Variants in HECW2 observed in about 807,000 individuals in gnomAD.
HECW2 encodes the protein HECT, C2 and WW domain containing E3 ubiquitin protein ligase 2.
Under a neutral mutation model 175.2 loss-of-function variants are expected in HECW2, and 61 were observed. The observed-to-expected ratio is 0.35, with a 90% CI of 0.28 to 0.43. The LOEUF is 0.43. Ranked by LOEUF, HECW2 falls within the 20% of genes least tolerant of loss-of-function variation. HECW2 has a pLI of 1.00. For synonymous variants in HECW2, 671 were observed against 731.0 expected (o/e 0.92, Z 1.32); for missense variants, 1,524 against 2,000.5 (o/e 0.76, Z 4.54).
At chr2:196,289,520 C>T (rs1397264019) in intron 14 of HECW2, 1 of 152,012 alleles carries the variant, frequency 6.6e-6, no homozygotes, top group African/African-American at 2.4e-5. Flanking sequence ...ATCAGGTGTC[C>T]ACACTAAGTT....
rs369883351 is a variant in HECW2 at position 196,264,414 on chromosome 2, A to G, written c.3336-6508T>C. 5.7e-4 allele frequency among the ~76,000 whole-genome samples: 87 copies of G among 152,354 alleles called. No individual in the cohort carries two copies. The South Asian group carries it at 0.017, about 30-fold the overall frequency. On this transcript the variant is annotated intron_variant, in intron 17 of 28. Coordinates refer to ENST00000644978, the MANE Select transcript of HECW2 (RefSeq NM_001348768.2). Reference sequence around the variant, plus strand: ...AATCAACAGTAAAACAGATGTACCTAAAATATTATTATTCCTCATGTAAGA... The same window carrying G: ...AATCAACAGTAAAACAGATGTACCTGAAATATTATTATTCCTCATGTAAGA...
At chr2:196,393,540 G>A (rs894218851) in intron 2 of HECW2, among the ~76,000 whole-genome samples, 8 of 152,164 alleles carry the variant, frequency 5.3e-5, no homozygotes, top group Admixed American at 5.2e-4. Flanking sequence ...GAAGCCAACA[G>A]ACACACGAAA....
chr2:196,333,256 C>A lies in HECW2; in HGVS notation c.495+1168G>T, dbSNP rs4850700. 5.1e-4 allele frequency among the ~76,000 whole-genome samples: 78 copies of A among 151,782 alleles called. 1 individual carries two copies. The East Asian group carries it at 0.014, about 27-fold the overall frequency. On this transcript the variant is annotated intron_variant, in intron 4 of 28. Transcript: ENST00000644978. Reference sequence around the variant, plus strand: ...ACCAGACCTACGAGATCAATGACGGCGTTTTTCTTCATCATTTCATCTGTA... The same window carrying A: ...ACCAGACCTACGAGATCAATGACGGAGTTTTTCTTCATCATTTCATCTGTA...
chr2:196,299,698 G>T (rs1046083442), intron 13 of HECW2, among the ~76,000 whole-genome samples: 1 of 152,176 alleles, frequency 6.6e-6, no homozygotes, highest in African/African-American at 2.4e-5. Context: ...GGGAGGCCGA[G>T]GTCGGCGGAT....
At chr2:196,570,027 T>C (rs2125512359) in intron 1 of HECW2, among the ~76,000 whole-genome samples, 1 of 152,318 alleles carries the variant, frequency 6.6e-6, no homozygotes, top group Non-Finnish European at 1.5e-5. Flanking sequence ...ATCACAGCAA[T>C]ACCTTGTTTC....
At chr2:196,248,466 A>G (rs1409064870) in intron 19 of HECW2, among the ~76,000 whole-genome samples, 1 of 152,038 alleles carries the variant, frequency 6.6e-6, no homozygotes, top group African/African-American at 2.4e-5. Flanking sequence ...TGGTTCCTAG[A>G]TCATCTTTGT....
intron 2 of HECW2, among the ~76,000 whole-genome samples, chr2:196,370,479 G>A (rs1212087151): frequency 6.6e-6 from 1 of 152,118 alleles, no homozygotes; most frequent in Non-Finnish European, 1.5e-5. Context: ...GAGCTGTGCT[G>A]CCTGGGGGTG....
At chr2:196,469,918 C>CA (rs535334456) in intron 1 of HECW2, among the ~76,000 whole-genome samples, 1 of 150,490 alleles carries the variant, frequency 6.6e-6, no homozygotes, top group African/African-American at 2.4e-5. Flanking sequence ...ACAATGAATC[C>CA]AAAAAAAATT....
At chr2:196,506,416 C>T (rs1177217543) in intron 1 of HECW2, among the ~76,000 whole-genome samples, 2 of 152,058 alleles carry the variant, frequency 1.3e-5, no homozygotes, top group African/African-American at 2.4e-5. Flanking sequence ...CTAATTTTAC[C>T]AGCAGGGGAT....
intron 14 of HECW2, among the ~76,000 whole-genome samples, chr2:196,281,776 C>T (rs1483196640): frequency 6.6e-6 from 1 of 151,016 alleles, no homozygotes; most frequent in Non-Finnish European, 1.5e-5. Flanking sequence ...TGTAAATGTA[C>T]CAGTTTAAAA....
intron 19 of HECW2, among the ~76,000 whole-genome samples, chr2:196,253,241 T>G (rs1040282093): frequency 6.6e-6 from 1 of 152,228 alleles, no homozygotes; most frequent in Non-Finnish European, 1.5e-5. Flanking sequence ...TTCTGACAGC[T>G]GTTAAAGTGT....
rs754087322 is a variant in HECW2 at position 196,325,071 on chromosome 2, T to C, written c.650A>G (p.Lys217Arg). Residue 217 changes from lysine (K) to arginine (R), a missense_variant, in exon 6 of 29, where the codon AAG (lysine) becomes AGG (arginine). By Grantham distance (26) the Lys-to-Arg change is conservative. Transcript: ENST00000644978. ...GGCACAGGTGGGGAAACTGCTCTTC[T>C]TTCCTGGCTGAATTGACATCTTAAG... ...PYLKMSIQPG[K>R]KSSFPTCAHH... is the part of the protein sequence containing the mutation. The C allele has an allele frequency of 4.7e-5, 76 of 1,612,866 alleles. No individual in the cohort carries two copies. Among genetic ancestry groups the C allele is most frequent in the Non-Finnish European group, 6.4e-5 (76 of 1,179,542 alleles).
rs898163429 is a variant in HECW2 at position 196,403,572 on chromosome 2, C to T, written c.292+29560G>A. On this transcript the variant is annotated intron_variant, in intron 2 of 28. Transcript: ENST00000644978. ...TGATTACAAAGTACTCAGTGGCTTA[C>T]ATTATTTATTTAAGAAGACTGAGTC... 2.6e-5 allele frequency among the ~76,000 whole-genome samples: 4 copies of T among 152,210 alleles called. No individual in the cohort carries two copies. The South Asian group carries it at 8.3e-4, about 31-fold the overall frequency.
At chr2:196,557,842 C>A (rs1689860295) in intron 1 of HECW2, among the ~76,000 whole-genome samples, 1 of 152,022 alleles carries the variant, frequency 6.6e-6, no homozygotes, top group Non-Finnish European at 1.5e-5. Flanking sequence ...GTTATTAGAG[C>A]ATTTATGTGA....
chr2:196,587,529 A>G (rs921567185), intron 1 of HECW2, among the ~76,000 whole-genome samples: 2 of 152,244 alleles, frequency 1.3e-5, no homozygotes, highest in Non-Finnish European at 2.9e-5. Context: ...TAGCATTTAC[A>G]GTACTATTTT....
chr2:196,290,882 A>T (rs529989004), intron 14 of HECW2: 1 of 152,300 alleles, frequency 6.6e-6, no homozygotes, highest in Admixed American at 6.5e-5. Context: ...CAGGGACATA[A>T]TCACAAGCCC....
At chr2:196,321,014 G>A (rs896995130) in intron 7 of HECW2, among the ~76,000 whole-genome samples, 20 of 152,248 alleles carry the variant, frequency 1.3e-4, no homozygotes, top group African/African-American at 4.3e-4. Flanking sequence ...AGCCAAGACA[G>A]CAGCCCTGGC....
At chr2:196,501,592 A>G (rs1324221874) in intron 1 of HECW2, among the ~76,000 whole-genome samples, 1 of 152,152 alleles carries the variant, frequency 6.6e-6, no homozygotes, top group Non-Finnish European at 1.5e-5. Flanking sequence ...TTCTCAAATT[A>G]GAACCAAAAG....
intron 2 of HECW2, among the ~76,000 whole-genome samples, chr2:196,411,723 T>C (rs970454215): frequency 2.0e-5 from 3 of 152,166 alleles, no homozygotes; most frequent in Admixed American, 1.3e-4. Context: ...CAAAATTACA[T>C]GGGAAGCCTG....
Sources: allele counts gnomAD v4.1 joint callset (sites outside exome capture counted in the v4.1 genomes callset), GRCh38; gene constraint gnomAD v4.1.1; transcripts MANE v1.5; gene names NCBI Gene and HGNC (gene_info 2026-07-23, HGNC 2026-07-21).